Variants in NSUN6 observed in about 807,000 individuals in gnomAD.
NSUN6 encodes NOP2/Sun RNA methyltransferase 6.
NSUN6 carries 64 observed loss-of-function variants against 58.0 expected under a neutral mutation model. That is an observed-to-expected ratio of 1.10 (90% CI 0.90 to 1.36). The LOEUF (loss-of-function observed/expected upper bound fraction) is 1.36, where lower values mean the gene tolerates loss of function less well. Ranked by LOEUF, NSUN6 falls within the 40% of genes most tolerant of loss-of-function variation. The pLI is 0.00. For missense variants in NSUN6, 701 were observed against 550.1 expected (o/e 1.27, Z -2.74); for synonymous variants, 231 against 193.9 (o/e 1.19, Z -1.59).
intron 6 of NSUN6, among the ~76,000 whole-genome samples, chr10:18,600,978 G>GTATATATA (rs56983139): frequency 2.7e-4 from 21 of 77,022 alleles, no homozygotes; most frequent in Admixed American, 1.7e-3. Context: ...ATATATATAT[G>GTATATATA]TATATATATA....
intron 3 of NSUN6, among the ~76,000 whole-genome samples, chr10:18,638,249 A>G (rs1361198213): frequency 6.6e-6 from 1 of 152,048 alleles, no homozygotes; most frequent in Non-Finnish European, 1.5e-5. Flanking sequence ...TTGAGACCAG[A>G]CTGCCCAACA....
chr10:18,558,394 G>T (rs563297676), intron 8 of NSUN6, among the ~76,000 whole-genome samples: 3 of 150,852 alleles, frequency 2.0e-5, no homozygotes, highest in Non-Finnish European at 4.4e-5. Context: ...GAATGCAGTG[G>T]TGAATAGAAT....
intron 10 of NSUN6, 123 bp downstream of exon 10, chr10:18,547,986 ATTC>A (rs1291999094): frequency 6.6e-6 from 6 of 906,346 alleles, no homozygotes; most frequent in Non-Finnish European, 9.9e-6. Context: ...TTAGATAAGC[ATTC>A]TTGTTTATTA....
intron 9 of NSUN6, among the ~76,000 whole-genome samples, chr10:18,548,853 A>G (rs1407836030): frequency 1.3e-5 from 2 of 152,060 alleles, no homozygotes; most frequent in Non-Finnish European, 2.9e-5. Context: ...CAGGTCCCAA[A>G]CCTCAGATTT....
At chr10:18,656,716 T>C (rs2059781391), upstream of NSUN6, among the ~76,000 whole-genome samples, 1 of 152,138 alleles carries the variant, frequency 6.6e-6, no homozygotes, top group Non-Finnish European at 1.5e-5. Context: ...CCTTGAACTC[T>C]TTAAAATATT....
chr10:18,638,048 T>C (rs74379930), intron 3 of NSUN6, among the ~76,000 whole-genome samples: 1,770 of 152,330 alleles, frequency 0.012, 37 homozygotes, highest in African/African-American at 0.041. Context: ...TGTACAACTC[T>C]AGTTTTCACT....
chr10:18,565,591 TATTCCATTCTCC>T (rs1206359691), intron 8 of NSUN6, among the ~76,000 whole-genome samples: 5 of 150,112 alleles, frequency 3.3e-5, no homozygotes, highest in Admixed American at 6.7e-5. Context: ...TTCAGCACTC[TATTCCATTCTCC>T]ATTCCATTCT....
chr10:18,572,856 C>T (rs1190619127), intron 8 of NSUN6, among the ~76,000 whole-genome samples: 1 of 150,360 alleles, frequency 6.7e-6, no homozygotes, highest in Admixed American at 6.7e-5. Context: ...TTCCTTTCTG[C>T]ATTTCATTCC....
At chr10:18,567,614 TTCCATTCCATTC>T in intron 8 of NSUN6, among the ~76,000 whole-genome samples, 1 of 149,770 alleles carries the variant, frequency 6.7e-6, no homozygotes, top group East Asian at 2.0e-4. Flanking sequence ...CCATTCTCTA[TTCCATTCCATTC>T]TCTATTCCAT....
chr10:18,645,168 A>AGG (rs2059508974), intron 2 of NSUN6, among the ~76,000 whole-genome samples: 1 of 151,506 alleles, frequency 6.6e-6, no homozygotes, highest in Non-Finnish European at 1.5e-5. Context: ...AAAAAAAAAA[A>AGG]AAAAAAAAAA....
intron 8 of NSUN6, among the ~76,000 whole-genome samples, chr10:18,561,833 G>A (rs1423500855): frequency 1.3e-5 from 2 of 150,686 alleles, no homozygotes; most frequent in South Asian, 2.1e-4. Flanking sequence ...ATGGAATGGA[G>A]AATGTAATAG....
chr10:18,598,596 C>T (rs1011722479), intron 6 of NSUN6, among the ~76,000 whole-genome samples: 5 of 151,886 alleles, frequency 3.3e-5, no homozygotes, highest in African/African-American at 4.8e-5. Flanking sequence ...CTCAGCCTCC[C>T]GAATGGCTGG....
intron 8 of NSUN6, among the ~76,000 whole-genome samples, chr10:18,570,235 C>CTCCAT (rs1240066980): frequency 1.3e-5 from 2 of 150,828 alleles, no homozygotes; most frequent in Non-Finnish European, 1.5e-5. Flanking sequence ...GCATTCTATT[C>CTCCAT]TCCATTCCAT....
chr10:18,611,438 G>C (rs1355566225), intron 5 of NSUN6, among the ~76,000 whole-genome samples: 1 of 152,112 alleles, frequency 6.6e-6, no homozygotes, highest in African/African-American at 2.4e-5. Context: ...ATAAGTTTAT[G>C]TTGGTCTTTA....
At chr10:18,636,308 T>A (rs1206728160) in intron 3 of NSUN6, among the ~76,000 whole-genome samples, 1 of 150,070 alleles carries the variant, frequency 6.7e-6, no homozygotes, top group Non-Finnish European at 1.5e-5. Flanking sequence ...AAGCACTGCA[T>A]CCATGTGAAT....
chr10:18,566,891 C>T (rs891139412), intron 8 of NSUN6, among the ~76,000 whole-genome samples: 2 of 150,850 alleles, frequency 1.3e-5, no homozygotes, highest in African/African-American at 4.9e-5. Context: ...ATTCTCCATT[C>T]CTTTCCATTG....
chr10:18,648,845 C>A (rs752818967), intron 1 of NSUN6, among the ~76,000 whole-genome samples, 200 bp from the exon 2 acceptor site: 2 of 152,108 alleles, frequency 1.3e-5, no homozygotes, highest in Non-Finnish European at 2.9e-5. Flanking sequence ...TGGTAATAAA[C>A]ACCTAAGAAA....
intron 6 of NSUN6, among the ~76,000 whole-genome samples, chr10:18,603,196 G>C (rs7920997): frequency 0.46 from 70,119 of 151,964 alleles, 17,154 homozygotes; most frequent in East Asian, 0.96. Context: ...GGAAGGCTGA[G>C]GCATGAGAAT....
intron 8 of NSUN6, among the ~76,000 whole-genome samples, chr10:18,563,802 T>A (rs2055723394): frequency 6.7e-6 from 1 of 149,292 alleles, no homozygotes; most frequent in Non-Finnish European, 1.5e-5. Context: ...TCCATTCCAT[T>A]CACATTAAAT....
Sources: gnomAD v4.1 joint callset for allele counts (sites outside exome capture counted in the v4.1 genomes callset) on GRCh38, gnomAD v4.1.1 for gene constraint, MANE v1.5 for transcripts, NCBI Gene and HGNC (gene_info 2026-07-23, HGNC 2026-07-21) for gene names.